PLCB4: variants seen among roughly 807,000 people sequenced by gnomAD.
The protein encoded by PLCB4 is 1-phosphatidylinositol 4,5-bisphosphate phosphodiesterase beta-4.
Under a neutral mutation model 178.8 loss-of-function variants are expected in PLCB4, and 77 were observed. The ratio of observed to expected loss-of-function variants is 0.43; its 90% CI spans 0.36 to 0.52. The LOEUF is 0.52. Ranked by LOEUF, PLCB4 falls within the 20% of genes least tolerant of loss-of-function variation. PLCB4 has a pLI of 0.00. For missense variants in PLCB4, 1,024 were observed against 1,453.4 expected (o/e 0.70, Z 4.80); for synonymous variants, 496 against 490.8 (o/e 1.01, Z -0.14).
rs78969695 is a variant in PLCB4, at chr20:9,141,672, A to G, written c.-79+45330A>G. ...TGTAAAGACACATACAAGTTGGTAT[A>G]TAATCTTGAAATTTATACCTACCCA... On this transcript the variant is annotated intron_variant, in intron 2 of 39. Transcript: ENST00000378473. Among the ~76,000 whole-genome samples the G allele has an allele frequency of 4.6e-5, 7 of 152,260 alleles. No individual in the cohort carries two copies. The East Asian group carries it at 1.2e-3, about 25-fold the overall frequency.
rs1417314702 is a variant in PLCB4 at position 9,454,858 on chromosome 20, G to C, written c.2996+1396G>C. Among the ~76,000 whole-genome samples, 3 of 152,148 alleles carry C rather than the reference G, an allele frequency of 2.0e-5. No homozygotes were observed. The East Asian group carries it at 5.8e-4, about 29-fold the overall frequency. On this transcript the variant is annotated intron_variant, in intron 33 of 39. Transcript: ENST00000378473. ...TTCAGAAAAATACAAATCAGGCACT[G>C]ATTATTGAGCATCTGTTATTATGCA...
At position 9,372,361 on chromosome 20, in the gene PLCB4, A is replaced by T. The variant is rs764551549; in HGVS notation, c.644A>T (p.Lys215Met). ...SYEKFYELTQ[K>M]ICPRTDIEDL... ...GAAAAGTTCTATGAACTGACACAAA[A>T]GATTTGTCCTCGGACAGATATAGAA... Residue 215 changes from lysine (K) to methionine (M), a missense_variant, in exon 11 of 40, where the codon AAG becomes ATG. By Grantham distance (95) the Lys-to-Met change is moderately conservative (BLOSUM62 -1). This residue lies in a region of PLCB4 where 225 missense variants were observed against 291.0 expected (regional missense o/e 0.77). Coordinates refer to ENST00000378473, the MANE Select transcript of PLCB4 (RefSeq NM_001377142.1). 6.2e-7 allele frequency: 1 copy of T among 1,603,590 alleles called. No homozygotes were observed. Among genetic ancestry groups the T allele is most frequent in the South Asian group, 1.1e-5 (1 of 90,588 alleles).
rs749000875 is a variant in PLCB4 at position 9,419,848 on chromosome 20, C to T, written c.2093C>T (p.Thr698Ile). The change falls in exon 26 of 40, where the codon ACA (threonine) becomes ATA (isoleucine). Residue 698 changes from threonine to isoleucine, a missense_variant. Physicochemically the swap from Thr to Ile is moderately conservative, Grantham distance 89 (BLOSUM62 -1). Transcript: ENST00000378473. The stretch of plus-strand genomic sequence containing the variant: ...GATTTCATGAGGCGGCCTGATCGAA[C>T]ATTTGACCCCTTCTCTGAAACTCCT... Reference protein sequence around the residue: ...KPDFMRRPDRTFDPFSETPVD... With the variant: ...KPDFMRRPDRIFDPFSETPVD... The T allele has an allele frequency of 3.1e-6, 5 of 1,614,074 alleles. No homozygotes were observed. Among genetic ancestry groups the T allele is most frequent in the African/African-American group, 1.3e-5 (1 of 75,036 alleles).
chr20:9,162,131 G>T (rs2092898689), intron 2 of PLCB4, among the ~76,000 whole-genome samples: 1 of 152,152 alleles, frequency 6.6e-6, no homozygotes, highest in Admixed American at 6.5e-5. Context: ...GGAATTGGCA[G>T]TGTTTATTAG....
intron 30 of PLCB4, 104 bp from the exon 31 acceptor site, chr20:9,443,877 C>G: frequency 4.4e-6 from 3 of 676,536 alleles, no homozygotes; most frequent in Non-Finnish European, 2.6e-6. Flanking sequence ...TGTAAAGCTG[C>G]TTCAAAGTCT....
At chr20:9,405,011 G>A (rs1358883766) in intron 20 of PLCB4, among the ~76,000 whole-genome samples, 1 of 152,150 alleles carries the variant, frequency 6.6e-6, no homozygotes, top group Non-Finnish European at 1.5e-5. Context: ...ACTCAAGAGT[G>A]ACCATTCATG....
chr20:9,370,409 C>G (rs909928654), intron 9 of PLCB4, among the ~76,000 whole-genome samples: 1 of 152,020 alleles, frequency 6.6e-6, no homozygotes, highest in Admixed American at 6.6e-5. Context: ...TGATCACGCC[C>G]GTGTCAACTG....
rs533209963 is a variant in PLCB4, at chr20:9,120,997, C to T, written c.-79+24655C>T. On this transcript the variant is annotated intron_variant, in intron 2 of 39. Coordinates refer to ENST00000378473, the MANE Select transcript of PLCB4 (RefSeq NM_001377142.1). ...TGCCATCTCCCTGAAGCCCTCCTCA[C>T]ACTGGAACCTCACCACACCCCTCAC... Among the ~76,000 whole-genome samples the T allele has an allele frequency of 3.9e-5, 6 of 152,322 alleles. No homozygotes were observed. In the East Asian group the frequency reaches 5.8e-4, roughly 15 times the overall value.
intron 4 of PLCB4, among the ~76,000 whole-genome samples, chr20:9,316,264 T>C (rs2094897853): frequency 6.6e-6 from 1 of 152,124 alleles, no homozygotes; most frequent in South Asian, 2.1e-4. Context: ...CTCCAGGAAC[T>C]GGCCCAGGCG....
chr20:9,383,950 T>C (rs2037364105), intron 13 of PLCB4, among the ~76,000 whole-genome samples: 2 of 152,220 alleles, frequency 1.3e-5, no homozygotes, highest in Admixed American at 1.3e-4. Flanking sequence ...GTTTCTGAAC[T>C]TGGGGGACCA....
At chr20:9,402,821 C>T (rs2039135775) in intron 20 of PLCB4, among the ~76,000 whole-genome samples, 1 of 152,150 alleles carries the variant, frequency 6.6e-6, no homozygotes, top group Non-Finnish European at 1.5e-5. Context: ...GTACCATTTA[C>T]TGGCATGGGG....
chr20:9,407,286 C>G (rs2039513146), intron 21 of PLCB4, among the ~76,000 whole-genome samples: 1 of 151,986 alleles, frequency 6.6e-6, no homozygotes, highest in Non-Finnish European at 1.5e-5. Flanking sequence ...TCGAGAGTCA[C>G]TATTTTTGAT....
chr20:9,219,208 G>A (rs2093768501), intron 3 of PLCB4, among the ~76,000 whole-genome samples: 1 of 152,164 alleles, frequency 6.6e-6, no homozygotes, highest in Admixed American at 6.5e-5. Flanking sequence ...GGTGGCTCAC[G>A]CCTGCAATCC....
chr20:9,378,308 A>G (rs992735649), intron 12 of PLCB4, among the ~76,000 whole-genome samples: 2 of 152,204 alleles, frequency 1.3e-5, no homozygotes, highest in Non-Finnish European at 2.9e-5. Flanking sequence ...GTGGCCACCT[A>G]TGAACATAAC....
chr20:9,237,705 T>G (rs1217722589), intron 3 of PLCB4, among the ~76,000 whole-genome samples: 5 of 152,188 alleles, frequency 3.3e-5, no homozygotes, highest in African/African-American at 1.2e-4. Flanking sequence ...GAATTTTAAG[T>G]GGTGTTAATA....
intron 4 of PLCB4, among the ~76,000 whole-genome samples, chr20:9,319,001 G>A (rs748298354): frequency 1.8e-4 from 28 of 152,164 alleles, no homozygotes; most frequent in Admixed American, 5.2e-4. Context: ...GTTGATGAGT[G>A]CAGTCTTGCA....
intron 38 of PLCB4, among the ~76,000 whole-genome samples, chr20:9,474,795 C>T (rs118074678): frequency 0.011 from 1,629 of 152,312 alleles, 15 homozygotes; most frequent in Non-Finnish European, 0.016. Context: ...TATTCATCAA[C>T]ATACTTCCTA....
chr20:9,218,346 C>G (rs758269086), intron 3 of PLCB4, among the ~76,000 whole-genome samples: 3 of 152,194 alleles, frequency 2.0e-5, no homozygotes, highest in Non-Finnish European at 4.4e-5. Context: ...ACTTCGTGAT[C>G]TGCCCACCTC....
chr20:9,473,985 G>A (rs930732293), intron 38 of PLCB4, among the ~76,000 whole-genome samples: 21 of 152,248 alleles, frequency 1.4e-4, no homozygotes, highest in African/African-American at 3.9e-4. Context: ...TTGAGAGGCC[G>A]AGGAGGGTGG....
Sources: gnomAD v4.1 joint callset for allele counts (sites outside exome capture counted in the v4.1 genomes callset) on GRCh38, gnomAD v4.1.1 for gene constraint, gnomAD v4.1.1 regional missense constraint, MANE v1.5 for transcripts, NCBI Gene and HGNC (gene_info 2026-07-23, HGNC 2026-07-21) for gene names.